Variants in GRM7 observed in about 807,000 individuals in gnomAD.
GRM7 encodes metabotropic glutamate receptor 7.
In GRM7, 35 loss-of-function variants were observed where a neutral mutation model predicts 84.5. That is an observed-to-expected ratio of 0.41 (90% CI 0.32 to 0.55). The LOEUF is 0.55. GRM7 is among the 20% of genes least tolerant of loss of function. The pLI, the probability that GRM7 is intolerant of heterozygous loss-of-function variation, is 0.19. For synonymous variants in GRM7, 487 were observed against 455.1 expected, an observed-to-expected ratio of 1.07 and a Z score of -0.89; for missense variants, 1,003 against 1,194.6, an observed-to-expected ratio of 0.84 and a Z score of 2.36.
intron 9 of GRM7, among the ~76,000 whole-genome samples, chr3:7,712,277 G>T (rs1272429974): frequency 2.0e-5 from 3 of 152,180 alleles, no homozygotes; most frequent in Non-Finnish European, 4.4e-5. Context: ...ATATGAATAA[G>T]GCCTATGAAG....
chr3:7,043,706 C>A (rs1046814913), intron 1 of GRM7, among the ~76,000 whole-genome samples: 2 of 152,210 alleles, frequency 1.3e-5, no homozygotes, highest in African/African-American at 4.8e-5. Context: ...ACACATAATG[C>A]ACCTGATGTT....
At chr3:7,204,020 T>C (rs1696151977) in intron 2 of GRM7, among the ~76,000 whole-genome samples, 2 of 152,188 alleles carry the variant, frequency 1.3e-5, no homozygotes, top group South Asian at 4.1e-4. Flanking sequence ...ATATTTATGA[T>C]TGGAAACATT....
In GRM7 at chr3:7,188,307, G is replaced by T. The variant is rs926192413; in HGVS notation, c.736+41639G>T. Among the ~76,000 whole-genome samples the T allele has an allele frequency of 7.9e-5, 12 of 152,004 alleles. No individual in the cohort carries two copies. Among genetic ancestry groups the T allele is most frequent in the African/African-American group, 2.9e-4 (12 of 41,360 alleles). On this transcript the variant is annotated intron_variant, in intron 2 of 9. Coordinates refer to ENST00000357716, the MANE Select transcript of GRM7 (RefSeq NM_000844.4). The surrounding 1 kb of genome is among the most constrained non-coding windows in gnomAD (Gnocchi z 4.2). ...ATAAAATAGAAATTATAGACCCAAA[G>T]AACTTTATAGGTAGGTATGTTATAT...
At chr3:7,275,421 A>G (rs1280649997) in intron 2 of GRM7, among the ~76,000 whole-genome samples, 2 of 152,152 alleles carry the variant, frequency 1.3e-5, no homozygotes, top group African/African-American at 4.8e-5. Context: ...TATGTTGGTA[A>G]GGTGTGAGGG....
intron 8 of GRM7, among the ~76,000 whole-genome samples, chr3:7,588,203 T>A (rs953316529): frequency 2.0e-5 from 3 of 152,206 alleles, no homozygotes; most frequent in Admixed American, 6.5e-5. Flanking sequence ...AACACTAGTT[T>A]CTTCTGAGTA....
chr3:7,536,422 T>C (rs1325730002), intron 7 of GRM7, among the ~76,000 whole-genome samples: 1 of 152,178 alleles, frequency 6.6e-6, no homozygotes, highest in Non-Finnish European at 1.5e-5. Flanking sequence ...TCTCATTACA[T>C]AAGGACTAAT....
intron 5 of GRM7, among the ~76,000 whole-genome samples, chr3:7,441,307 C>T (rs913332300): frequency 7.9e-5 from 12 of 152,028 alleles, no homozygotes; most frequent in Admixed American, 2.0e-4. Context: ...AGTGTCTGTT[C>T]GTGTCCTTTG....
At chr3:7,416,590 A>G (rs959716116) in intron 5 of GRM7, among the ~76,000 whole-genome samples, 3 of 152,110 alleles carry the variant, frequency 2.0e-5, no homozygotes, top group Non-Finnish European at 4.4e-5. Flanking sequence ...TTCTGTGAAA[A>G]AGGAGAAATG....
intron 7 of GRM7, among the ~76,000 whole-genome samples, chr3:7,546,492 T>G (rs764071825): frequency 6.6e-6 from 1 of 152,182 alleles, no homozygotes. Context: ...CAAGATAACT[T>G]GCCGTAGGAG....
At chr3:7,628,268 C>G (rs1351371596) in intron 8 of GRM7, among the ~76,000 whole-genome samples, 1 of 152,088 alleles carries the variant, frequency 6.6e-6, no homozygotes, top group Non-Finnish European at 1.5e-5. Flanking sequence ...GTGTGCCCAG[C>G]CTGGGGAGTG....
At chr3:7,013,717 G>A (rs1475465038) in intron 1 of GRM7, among the ~76,000 whole-genome samples, 1 of 152,118 alleles carries the variant, frequency 6.6e-6, no homozygotes, top group African/African-American at 2.4e-5. Context: ...CTTGAGCCAG[G>A]AGTTCTTCCA....
chr3:7,138,819 T>C (rs922393561), intron 1 of GRM7, among the ~76,000 whole-genome samples: 11 of 151,344 alleles, frequency 7.3e-5, no homozygotes, highest in African/African-American at 2.7e-4. Context: ...TTAAATTCAG[T>C]GAAAGAAATC....
intron 8 of GRM7, among the ~76,000 whole-genome samples, chr3:7,613,113 T>G (rs1225247720): frequency 2.0e-5 from 3 of 152,156 alleles, no homozygotes; most frequent in African/African-American, 7.2e-5. Flanking sequence ...CGAGTTTTCC[T>G]GGGAAACACT....
At chr3:7,432,781 A>G (rs1250455401) in intron 5 of GRM7, among the ~76,000 whole-genome samples, 3 of 152,216 alleles carry the variant, frequency 2.0e-5, no homozygotes, top group Non-Finnish European at 4.4e-5. Flanking sequence ...AAAAGATTAG[A>G]CACAGTCAAA....
intron 1 of GRM7, among the ~76,000 whole-genome samples, chr3:7,052,894 C>T (rs146706102): frequency 6.6e-6 from 1 of 151,382 alleles, no homozygotes; most frequent in East Asian, 1.9e-4. Context: ...CCTTAAATTT[C>T]TCTTGCATAA....
rs33945077 is a variant in GRM7 at position 6,901,604 on chromosome 3, T to TAAAAAAAAAAAAAAAAAAAA, written c.519+39711_519+39730dup. On this transcript the variant is annotated intron_variant, in intron 1 of 9. Transcript: ENST00000357716. ...CCTGGTGACAGAGCAAGACTCCGTC[T>TAAAAAAAAAAAAAAAAAAAA]AAAAAAAAAAAAAAAAAAAAAAAAA... is the stretch of plus-strand genomic sequence containing the variant. Among the ~76,000 whole-genome samples, 14 of 40,494 alleles carry TAAAAAAAAAAAAAAAAAAAA rather than the reference T, an allele frequency of 3.5e-4. 1 individual carries two copies. The East Asian group carries it at 6.8e-3, about 20-fold the overall frequency. The allele number at this position is 40,494 out of a possible 152,430, so 26.6% of individuals were successfully genotyped here.
At chr3:7,063,992 T>A (rs1367119060) in intron 1 of GRM7, among the ~76,000 whole-genome samples, 2 of 151,304 alleles carry the variant, frequency 1.3e-5, no homozygotes, top group Non-Finnish European at 3.0e-5. Flanking sequence ...TGGGATCTTC[T>A]GATCCACACA....
intron 1 of GRM7, among the ~76,000 whole-genome samples, chr3:6,927,608 A>G (rs1697359660): frequency 1.3e-5 from 2 of 152,202 alleles, no homozygotes; most frequent in East Asian, 3.8e-4. Context: ...TAGAGAGAAT[A>G]AATATCATCA....
intron 1 of GRM7, among the ~76,000 whole-genome samples, chr3:7,005,787 T>C (rs1695162963): frequency 6.6e-6 from 1 of 152,196 alleles, no homozygotes; most frequent in Non-Finnish European, 1.5e-5. Flanking sequence ...TCTCTCTATA[T>C]TTCTGCTGCC....
Sources: allele counts gnomAD v4.1 joint callset (sites outside exome capture counted in the v4.1 genomes callset), GRCh38; gene constraint gnomAD v4.1.1; non-coding constraint Gnocchi (gnomAD v3.1); transcripts MANE v1.5; gene names NCBI Gene and HGNC (gene_info 2026-07-23, HGNC 2026-07-21).